ALDH1A1: variants seen among roughly 807,000 people sequenced by gnomAD.
The protein encoded by ALDH1A1 is aldehyde dehydrogenase 1A1.
Under a neutral mutation model 62.1 loss-of-function variants are expected in ALDH1A1, and 19 were observed. That is an observed-to-expected ratio of 0.31 (90% CI 0.21 to 0.45). The LOEUF is 0.45. Ranked by LOEUF, ALDH1A1 falls within the 20% of genes least tolerant of loss-of-function variation. The probability of loss-of-function intolerance (pLI) is 1.00; values close to 1 mark genes in which losing one functional copy is unlikely to be tolerated. For missense variants in ALDH1A1, 521 were observed against 607.1 expected (o/e 0.86, Z 1.49); for synonymous variants, 231 against 215.9 (o/e 1.07, Z -0.61).
intron 2 of ALDH1A1, among the ~76,000 whole-genome samples, chr9:72,937,484 A>G (rs1830359591): frequency 6.6e-6 from 1 of 152,202 alleles, no homozygotes; most frequent in Admixed American, 6.5e-5. Context: ...GCACCGTTGA[A>G]GAGCTCTATA....
chr9:72,948,598 G>T (rs1381911289), intron 1 of ALDH1A1, among the ~76,000 whole-genome samples: 1 of 151,760 alleles, frequency 6.6e-6, no homozygotes, highest in East Asian at 1.9e-4. Flanking sequence ...TACCTTTAAA[G>T]CACCTTCCCA....
chr9:72,916,890 A>G, intron 9 of ALDH1A1, 30 bp downstream of exon 9: 1 of 1,518,354 alleles, frequency 6.6e-7, no homozygotes, highest in Non-Finnish European at 8.9e-7. Flanking sequence ...CTGTGCCCTG[A>G]AAATGCTATC....
chr9:72,952,848 A>G, intron 1 of ALDH1A1, 87 bp downstream of exon 1: 1 of 1,477,348 alleles, frequency 6.8e-7, no homozygotes, highest in Non-Finnish European at 9.2e-7. Context: ...CTCTTTACAC[A>G]AGTTTACTTA....
chr9:72,908,036 C>T (rs1011576207), intron 11 of ALDH1A1, among the ~76,000 whole-genome samples: 2 of 151,992 alleles, frequency 1.3e-5, no homozygotes, highest in African/African-American at 4.8e-5. Context: ...AATGTATACC[C>T]TCCCCTGCCC....
intron 9 of ALDH1A1, among the ~76,000 whole-genome samples, chr9:72,916,681 G>T (rs1007982024): frequency 6.6e-6 from 1 of 152,184 alleles, no homozygotes; most frequent in Non-Finnish European, 1.5e-5. Flanking sequence ...TTTTCCTCAT[G>T]TCTTTAATTC....
intron 11 of ALDH1A1, among the ~76,000 whole-genome samples, chr9:72,908,345 G>A (rs537084851): frequency 1.8e-4 from 24 of 134,716 alleles, no homozygotes; most frequent in African/African-American, 6.7e-4. Context: ...TGAGGCAGGA[G>A]AATCACTTGA....
chr9:72,930,906 T>G lies in ALDH1A1; in HGVS notation c.285A>C (p.Leu95Phe). ...RGRLLYKLADLIERDRLLLAT... is the reference protein window; with the variant it reads ...RGRLLYKLADFIERDRLLLAT... ...CCAGCAGCAGACGATCTCTTTCGAT[T>G]AAATCAGCCAACTTGTATAATAGTC... is the stretch of plus-strand genomic sequence containing the variant. The change falls in exon 3 of 13, where the codon TTA becomes TTC. Residue 95 changes from leucine (L) to phenylalanine (F), a missense_variant. Coordinates refer to ENST00000297785, the MANE Select transcript of ALDH1A1 (RefSeq NM_000689.5). 1 of 1,614,050 alleles carries G rather than the reference T, an allele frequency of 6.2e-7. No individual in the cohort carries two copies. Among genetic ancestry groups the G allele is most frequent in the Non-Finnish European group, 8.5e-7 (1 of 1,179,960 alleles).
At chr9:72,905,258 C>T (rs1014657341) in intron 12 of ALDH1A1, among the ~76,000 whole-genome samples, 3 of 152,000 alleles carry the variant, frequency 2.0e-5, no homozygotes, top group African/African-American at 7.2e-5. Context: ...ATCAACTAAG[C>T]ATATTGCCAC....
chr9:72,930,966 G>A lies in ALDH1A1; in HGVS notation c.225C>T (p.Ser75=), dbSNP rs13959. 795,104 of 1,613,406 alleles carry A rather than the reference G, an allele frequency of 0.49. 199,816 individuals carry two copies. Among genetic ancestry groups the A allele is most frequent in the Non-Finnish European group, 0.51 (604,651 of 1,179,670 alleles). The change falls in exon 3 of 13, where the codon TCC becomes TCT. Residue 75 remains serine (S), a synonymous_variant. Coordinates refer to ENST00000297785, the MANE Select transcript of ALDH1A1 (RefSeq NM_000689.5). ...CGGAAGCATCCATAGTACGCCACGG[G>A]GATCCAATCTGAAAAGCCTGTCTTG... ...KAARQAFQIG[S]PWRTMDASER...
chr9:72,926,131 G>A (rs1044970079), intron 5 of ALDH1A1, among the ~76,000 whole-genome samples: 4 of 152,128 alleles, frequency 2.6e-5, no homozygotes, highest in Non-Finnish European at 4.4e-5. Flanking sequence ...CACAGGTTAC[G>A]TGCTCTCTGT....
chr9:72,925,344 C>A, intron 6 of ALDH1A1, 140 bp downstream of exon 6: 1 of 951,200 alleles, frequency 1.1e-6, no homozygotes, highest in Non-Finnish European at 1.5e-6. Flanking sequence ...TTGCAGCCAG[C>A]CGTCATGCTA....
intron 4 of ALDH1A1, among the ~76,000 whole-genome samples, chr9:72,928,430 G>T (rs1456058867): frequency 6.6e-6 from 1 of 152,090 alleles, no homozygotes; most frequent in African/African-American, 2.4e-5. Context: ...TGATTAGTCT[G>T]GTCTAACTAC....
rs370762591 is a variant in ALDH1A1 at position 72,939,034 on chromosome 9, C to T, written c.171+1114G>A. Among the ~76,000 whole-genome samples the T allele has an allele frequency of 3.3e-3, 508 of 152,216 alleles. 2 individuals are homozygous for T. Among genetic ancestry groups the T allele is most frequent in the African/African-American group, 0.012 (478 of 41,522 alleles). On this transcript the variant is annotated intron_variant, in intron 2 of 12. Transcript: ENST00000297785. ...CTGGGATTACAGGTGAGAGCCACTGCGCCCGGCCAACCCTATCTTACTTTC... is the reference window on the plus strand; with the variant it reads ...CTGGGATTACAGGTGAGAGCCACTGTGCCCGGCCAACCCTATCTTACTTTC...
chr9:72,950,817 T>A (rs532267421), intron 1 of ALDH1A1, among the ~76,000 whole-genome samples: 1 of 151,448 alleles, frequency 6.6e-6, no homozygotes, highest in Non-Finnish European at 1.5e-5. Flanking sequence ...ACTCCTTGCT[T>A]ACTTGGTTTG....
intron 7 of ALDH1A1, among the ~76,000 whole-genome samples, chr9:72,920,929 A>G (rs1830132506): frequency 6.6e-6 from 1 of 152,358 alleles, no homozygotes; most frequent in Non-Finnish European, 1.5e-5. Flanking sequence ...TATGTCTTGC[A>G]TAATGTGGGT....
At chr9:72,919,022 C>G (rs1265754188) in intron 7 of ALDH1A1, among the ~76,000 whole-genome samples, 200 bp from the exon 8 acceptor site, 1 of 151,946 alleles carries the variant, frequency 6.6e-6, no homozygotes, top group Non-Finnish European at 1.5e-5. Context: ...CTCACTGCAA[C>G]CTCCGCCTCC....
At chr9:72,918,681 G>T in intron 8 of ALDH1A1, 39 bp downstream of exon 8, 1 of 840,366 alleles carries the variant, frequency 1.2e-6, no homozygotes, top group Non-Finnish European at 1.6e-6. Context: ...CACCAAAAAC[G>T]ATGAAGGACG....
Position 72,911,960 on chromosome 9 carries a change from C to T in ALDH1A1, c.1198G>A (p.Glu400Lys). ...VTDEMRIAKE[E>K]IFGPVQQIMK... Reference sequence around the variant, plus strand: ...CAGAACAGAATGAAGCCATTTACCTCCTCTTTGGCAATGCGCATCTCATCT... The same window carrying T: ...CAGAACAGAATGAAGCCATTTACCTTCTCTTTGGCAATGCGCATCTCATCT... The change falls in exon 10 of 13, where the codon GAG becomes AAG. Residue 400 changes from glutamate to lysine, a missense_variant and splice_region_variant. Coordinates refer to ENST00000297785, the MANE Select transcript of ALDH1A1 (RefSeq NM_000689.5). The T allele has an allele frequency of 6.2e-7, 1 of 1,613,902 alleles. No individual in the cohort carries two copies. Among genetic ancestry groups the T allele is most frequent in the Non-Finnish European group, 8.5e-7 (1 of 1,179,858 alleles).
chr9:72,945,889 C>T lies in ALDH1A1; in HGVS notation c.67-5637G>A, dbSNP rs79099287. Among the ~76,000 whole-genome samples the T allele has an allele frequency of 6.6e-5, 10 of 151,796 alleles. No homozygotes were observed. The South Asian group carries it at 1.2e-3, about 19-fold the overall frequency. On this transcript the variant is annotated intron_variant, in intron 1 of 12. Transcript: ENST00000297785. ...GAATGAAAACAAAATGACAGAATGA[C>T]GAAAACAAAAAATAGGAGAAATAAA...
Sources: gnomAD v4.1 joint callset for allele counts (sites outside exome capture counted in the v4.1 genomes callset) on GRCh38, gnomAD v4.1.1 for gene constraint, MANE v1.5 for transcripts, NCBI Gene and HGNC (gene_info 2026-07-23, HGNC 2026-07-21) for gene names.